The following CPPED1 variants were observed in gnomAD, a reference collection of about 807,000 sequenced individuals.
CPPED1 encodes the protein calcineurin like phosphoesterase domain containing 1, also known as serine/threonine-protein phosphatase CPPED1.
CPPED1 carries 28 observed loss-of-function variants against 28.0 expected under a neutral mutation model. The ratio of observed to expected loss-of-function variants is 1.00; its 90% confidence interval spans 0.74 to 1.37. CPPED1 has a LOEUF of 1.37. Ranked by LOEUF, CPPED1 falls within the 40% of genes most tolerant of loss-of-function variation. CPPED1 has a pLI of 0.00. For synonymous variants in CPPED1, 198 were observed against 180.2 expected (o/e 1.10, Z -0.79); for missense variants, 504 against 416.5 (o/e 1.21, Z -1.83).
At chr16:12,714,135 A>G (rs1209670396) in intron 2 of CPPED1, among the ~76,000 whole-genome samples, 2 of 152,320 alleles carry the variant, frequency 1.3e-5, no homozygotes, top group African/African-American at 4.8e-5. Flanking sequence ...GCTGAATACT[A>G]TTCTACTGTA....
Position 12,661,366 on chromosome 16 carries a change from G to A in CPPED1, c.*3520C>T, listed in dbSNP as rs899668942. 1.3e-5 allele frequency: 2 copies of A among 152,072 alleles called. No homozygotes were observed. Among genetic ancestry groups the A allele is most frequent in the African/African-American group, 4.8e-5 (2 of 41,398 alleles). 9.4% of individuals were successfully genotyped at this position (152,072 alleles called of 1,614,324 possible). On this transcript the variant is annotated 3_prime_UTR_variant, in exon 4 of 4. Transcript: ENST00000381774. Reference sequence around the variant, plus strand: ...TGAAAATCACAAAATAGGATAAAACGTTCTGTTGCTAGTCCCATAAAGCTT... The same window carrying A: ...TGAAAATCACAAAATAGGATAAAACATTCTGTTGCTAGTCCCATAAAGCTT...
chr16:12,675,287 A>G (rs900489887), intron 3 of CPPED1, among the ~76,000 whole-genome samples: 1 of 152,216 alleles, frequency 6.6e-6, no homozygotes, highest in Non-Finnish European at 1.5e-5. Context: ...AGTATTATGT[A>G]TAGATTGTTT....
chr16:12,705,110 C>G, intron 2 of CPPED1, 61 bp from the exon 3 acceptor site: 4 of 1,464,678 alleles, frequency 2.7e-6, no homozygotes, highest in Non-Finnish European at 3.7e-6. Flanking sequence ...AAATAACTAA[C>G]TTAAGTACTT....
At chr16:12,697,136 T>C (rs1361077443) in intron 3 of CPPED1, among the ~76,000 whole-genome samples, 1 of 152,172 alleles carries the variant, frequency 6.6e-6, no homozygotes, top group Non-Finnish European at 1.5e-5. Context: ...GCCAATGTCC[T>C]GCCTTAGCCT....
chr16:12,696,061 A>T (rs928321840), intron 3 of CPPED1, among the ~76,000 whole-genome samples: 4 of 152,246 alleles, frequency 2.6e-5, no homozygotes, highest in Admixed American at 1.3e-4. Flanking sequence ...TTCCTCATCT[A>T]CCCTGAAAAC....
intron 2 of CPPED1, chr16:12,757,765 C>A (rs982483754): frequency 2.0e-5 from 3 of 148,816 alleles, no homozygotes; most frequent in African/African-American, 7.4e-5. Context: ...GTCCTTCTAG[C>A]AGGCTGTCAC....
intron 2 of CPPED1, among the ~76,000 whole-genome samples, chr16:12,755,281 C>CTTTTTTTTTT (rs35135598): frequency 7.8e-6 from 1 of 128,810 alleles, no homozygotes; most frequent in African/African-American, 3.0e-5. Flanking sequence ...AGTATGCATT[C>CTTTTTTTTTT]TTTTTTTTTT....
intron 2 of CPPED1, among the ~76,000 whole-genome samples, chr16:12,752,208 T>G (rs1414843382): frequency 6.6e-6 from 1 of 152,124 alleles, no homozygotes; most frequent in Non-Finnish European, 1.5e-5. Flanking sequence ...TTTAAGAAAG[T>G]CTATTAAAAA....
intron 3 of CPPED1, among the ~76,000 whole-genome samples, chr16:12,680,854 C>G (rs2079901069): frequency 6.6e-6 from 1 of 152,162 alleles, no homozygotes; most frequent in African/African-American, 2.4e-5. Flanking sequence ...GGGTTCAAGC[C>G]TCATCTCCTC....
intron 2 of CPPED1, among the ~76,000 whole-genome samples, chr16:12,747,387 G>C (rs1033133615): frequency 2.0e-5 from 3 of 151,722 alleles, no homozygotes; most frequent in Non-Finnish European, 4.4e-5. Flanking sequence ...AGCCATGATT[G>C]CACCACTGCA....
intron 1 of CPPED1, among the ~76,000 whole-genome samples, chr16:12,794,554 G>T (rs185695582): frequency 1.3e-4 from 19 of 146,026 alleles, no homozygotes; most frequent in Non-Finnish European, 2.5e-4. Flanking sequence ...TATCTGAAAT[G>T]CTTGGGACCA....
chr16:12,764,105 T>C (rs565279139), intron 2 of CPPED1, among the ~76,000 whole-genome samples: 27 of 151,964 alleles, frequency 1.8e-4, no homozygotes, highest in Non-Finnish European at 3.4e-4. Context: ...TAATTTTTCA[T>C]GAAAAAGCAT....
At chr16:12,683,894 TA>T (rs2079919009) in intron 3 of CPPED1, among the ~76,000 whole-genome samples, 1 of 152,220 alleles carries the variant, frequency 6.6e-6, no homozygotes, top group Non-Finnish European at 1.5e-5. Flanking sequence ...AGGATTTCAA[TA>T]AGGATCCAGC....
At chr16:12,802,630 T>C (rs2080667441) in intron 1 of CPPED1, among the ~76,000 whole-genome samples, 3 of 152,098 alleles carry the variant, frequency 2.0e-5, no homozygotes, top group Admixed American at 2.0e-4. Flanking sequence ...TACCATAGAA[T>C]TACCGGAGAA....
intron 2 of CPPED1, among the ~76,000 whole-genome samples, chr16:12,728,873 C>T (rs1283272716): frequency 6.6e-6 from 1 of 152,158 alleles, no homozygotes; most frequent in African/African-American, 2.4e-5. Context: ...GACCCTGTCT[C>T]TTCAAAAAGT....
intron 2 of CPPED1, among the ~76,000 whole-genome samples, chr16:12,715,816 C>T (rs2080104358): frequency 6.6e-6 from 1 of 152,216 alleles, no homozygotes; most frequent in African/African-American, 2.4e-5. Context: ...GCATGAGCCA[C>T]CACTCTCAGC....
chr16:12,715,453 A>G (rs916460287), intron 2 of CPPED1, among the ~76,000 whole-genome samples: 3 of 152,130 alleles, frequency 2.0e-5, no homozygotes, highest in Non-Finnish European at 4.4e-5. Flanking sequence ...TGAGGTCAAG[A>G]GTTCGAGACT....
Position 12,787,553 on chromosome 16 carries a change from T to C in CPPED1, c.71-6150A>G, listed in dbSNP as rs186326802. 7.5e-4 allele frequency among the ~76,000 whole-genome samples: 114 copies of C among 152,092 alleles called. 4 individuals are homozygous for C. The East Asian group carries it at 0.015, about 20-fold the overall frequency. On this transcript the variant is annotated intron_variant, in intron 1 of 3. Coordinates refer to ENST00000381774, the MANE Select transcript of CPPED1 (RefSeq NM_018340.3). Reference sequence around the variant, plus strand: ...CTGAGCAGCTGGGATTATACAGGCATGTGCCACCACACCTGGCTCATTTTT... The same window carrying C: ...CTGAGCAGCTGGGATTATACAGGCACGTGCCACCACACCTGGCTCATTTTT...
At chr16:12,740,881 G>A (rs926362612) in intron 2 of CPPED1, among the ~76,000 whole-genome samples, 30 of 152,172 alleles carry the variant, frequency 2.0e-4, no homozygotes, top group African/African-American at 7.2e-4. Context: ...GTCCCCTACT[G>A]CTTTCAGCTC....
Sources: allele counts gnomAD v4.1 joint callset (sites outside exome capture counted in the v4.1 genomes callset), GRCh38; gene constraint gnomAD v4.1.1; transcripts MANE v1.5; gene names NCBI Gene and HGNC (gene_info 2026-07-23, HGNC 2026-07-21).